PHF20: variants seen among roughly 807,000 people sequenced by gnomAD.
PHF20 encodes glioma-expressed antigen 2.
Under a neutral mutation model 113.5 loss-of-function variants are expected in PHF20, and 23 were observed. That is an observed-to-expected ratio of 0.20 (90% CI 0.15 to 0.29). The LOEUF (loss-of-function observed/expected upper bound fraction) is 0.29. Among genes scored for constraint, PHF20 ranks in the 10% least tolerant of loss-of-function variants. The pLI is 1.00. For synonymous variants in PHF20, 434 were observed against 457.3 expected, an observed-to-expected ratio of 0.95 and a Z score of 0.65; for missense variants, 943 against 1,219.6, an observed-to-expected ratio of 0.77 and a Z score of 3.38.
rs565116576 is a variant in PHF20, at chr20:35,875,798, A to G, written c.1282+3969A>G. Among the ~76,000 whole-genome samples the G allele has an allele frequency of 7.2e-5, 11 of 152,306 alleles. No individual in the cohort carries two copies. In the South Asian group the frequency reaches 2.3e-3, roughly 32 times the overall value. On this transcript the variant is annotated intron_variant, in intron 9 of 17. Coordinates refer to ENST00000374012, the MANE Select transcript of PHF20 (RefSeq NM_016436.5). The stretch of plus-strand genomic sequence containing the variant: ...TTGAAATTTGTAGTTAATTGTTCCT[A>G]CACCACTAGGAAACACGCCATGCAT...
At chr20:35,866,079 A>G (rs2054315319) in intron 6 of PHF20, among the ~76,000 whole-genome samples, 2 of 152,008 alleles carry the variant, frequency 1.3e-5, no homozygotes, top group Admixed American at 6.6e-5. Context: ...GCGTGGTGGC[A>G]TGCACCTGTA....
intron 2 of PHF20, among the ~76,000 whole-genome samples, chr20:35,827,801 A>T (rs1173991921): frequency 6.6e-6 from 1 of 150,416 alleles, no homozygotes; most frequent in African/African-American, 2.4e-5. Context: ...AAAAAAAAAA[A>T]AGCAGAAGGC....
intron 2 of PHF20, among the ~76,000 whole-genome samples, chr20:35,805,357 A>T (rs914246263): frequency 2.1e-4 from 21 of 101,386 alleles, no homozygotes; most frequent in East Asian, 7.2e-4. Context: ...CTGATTTTTT[A>T]TTATTATTAT....
intron 14 of PHF20, 69 bp downstream of exon 14, chr20:35,927,948 A>G (rs2055674978): frequency 1.9e-6 from 2 of 1,062,734 alleles, no homozygotes; most frequent in Admixed American, 1.7e-5. Flanking sequence ...GCTGTGACAC[A>G]TTCTAAATGT....
chr20:35,942,767 A>G (rs1300030255), intron 17 of PHF20, among the ~76,000 whole-genome samples: 10 of 152,348 alleles, frequency 6.6e-5, no homozygotes, highest in Admixed American at 6.5e-4. Flanking sequence ...AGATTAATCA[A>G]AATCCCTTTT....
chr20:35,850,688 AT>A, intron 4 of PHF20: 1 of 235,518 alleles, frequency 4.2e-6, no homozygotes, highest in East Asian at 8.8e-5. Flanking sequence ...TGTTCTCTCC[AT>A]TTTGGGGGGT....
At chr20:35,804,542 A>G (rs2378409) in intron 2 of PHF20, among the ~76,000 whole-genome samples, 15,850 of 151,088 alleles carry the variant, frequency 0.1, 874 homozygotes, top group South Asian at 0.16. Flanking sequence ...AGCCTAATTT[A>G]TGTACTTTTA....
intron 2 of PHF20, among the ~76,000 whole-genome samples, chr20:35,811,735 C>T (rs562985207): frequency 6.6e-5 from 10 of 151,900 alleles, no homozygotes; most frequent in East Asian, 3.9e-4. Context: ...CCACTGTGCC[C>T]GGCCCAGTCC....
chr20:35,868,983 C>T, intron 6 of PHF20, among the ~76,000 whole-genome samples: 1 of 151,492 alleles, frequency 6.6e-6, no homozygotes, highest in East Asian at 1.9e-4. Flanking sequence ...CCCACCTACT[C>T]CGGAGGCTGA....
At chr20:35,917,237 T>C (rs541865815) in intron 12 of PHF20, 18 of 583,178 alleles carry the variant, frequency 3.1e-5, no homozygotes, top group Admixed American at 1.1e-4. Flanking sequence ...GAGTAGCCAC[T>C]GCCGTTGGGC....
chr20:35,813,780 C>T (rs1192039978), intron 2 of PHF20, among the ~76,000 whole-genome samples: 2 of 151,770 alleles, frequency 1.3e-5, no homozygotes, highest in African/African-American at 4.8e-5. Flanking sequence ...ATTGTTTGAG[C>T]CTGGGAGGTG....
At chr20:35,905,191 G>C (rs1183858290) in intron 10 of PHF20, among the ~76,000 whole-genome samples, 1 of 152,126 alleles carries the variant, frequency 6.6e-6, no homozygotes, top group Non-Finnish European at 1.5e-5. Context: ...TTTCATGTGG[G>C]GAGAAAAGCT....
intron 13 of PHF20, among the ~76,000 whole-genome samples, chr20:35,925,515 C>T (rs201615178): frequency 3.3e-5 from 5 of 151,960 alleles, no homozygotes; most frequent in East Asian, 3.9e-4. Flanking sequence ...CCCCCCGCCT[C>T]GGCCTCCCAA....
At chr20:35,873,466 G>T (rs6060651) in intron 9 of PHF20, among the ~76,000 whole-genome samples, 8,783 of 81,986 alleles carry the variant, frequency 0.11, 466 homozygotes, top group South Asian at 0.33. Context: ...CTGTTTTTTT[G>T]TTTTTTTTTT....
intron 2 of PHF20, among the ~76,000 whole-genome samples, chr20:35,815,449 T>A (rs574220595): frequency 1.4e-4 from 22 of 151,938 alleles, no homozygotes; most frequent in Admixed American, 1.3e-4. Context: ...CATTGTGGCA[T>A]GTGCCTGTAA....
At chr20:35,829,673 C>T (rs2042324102) in intron 2 of PHF20, among the ~76,000 whole-genome samples, 1 of 147,968 alleles carries the variant, frequency 6.8e-6, no homozygotes, top group Admixed American at 6.8e-5. Context: ...GAGATAAAAT[C>T]TCACTATGTT....
chr20:35,812,179 T>A (rs1418454013), intron 2 of PHF20, among the ~76,000 whole-genome samples: 1 of 152,234 alleles, frequency 6.6e-6, no homozygotes. Flanking sequence ...ATATACTTAT[T>A]TAATTTAGCA....
chr20:35,896,226 C>G (rs1013958349), intron 9 of PHF20, among the ~76,000 whole-genome samples: 12 of 151,728 alleles, frequency 7.9e-5, no homozygotes, highest in African/African-American at 2.9e-4. Context: ...TTAAAATTAC[C>G]TCTGATTATG....
chr20:35,942,281 A>G (rs1341563877), intron 17 of PHF20, among the ~76,000 whole-genome samples: 1 of 152,170 alleles, frequency 6.6e-6, no homozygotes, highest in East Asian at 1.9e-4. Flanking sequence ...ATAAACTAAA[A>G]AAAAGGGATT....
Sources: gnomAD v4.1 joint callset for allele counts (sites outside exome capture counted in the v4.1 genomes callset) on GRCh38, gnomAD v4.1.1 for gene constraint, MANE v1.5 for transcripts, NCBI Gene and HGNC (gene_info 2026-07-23, HGNC 2026-07-21) for gene names.